HERC2: variants seen among roughly 807,000 people sequenced by gnomAD.
The protein encoded by HERC2 is E3 ubiquitin-protein ligase HERC2.
A neutral mutation model predicts 537.7 loss-of-function variants in HERC2; 102 were observed. The observed-to-expected ratio is 0.19, with a 90% CI of 0.16 to 0.22. HERC2 has a LOEUF of 0.22. HERC2 is among the 10% of genes least tolerant of loss of function. The probability of loss-of-function intolerance (pLI) is 1.00; values close to 1 mark genes in which losing one functional copy is unlikely to be tolerated. For missense variants in HERC2, 4,236 were observed against 6,198.2 expected (o/e 0.68, Z 10.63); for synonymous variants, 2,224 against 2,466.2 (o/e 0.90, Z 2.91).
chr15:28,318,332 A>G (rs2077144336), intron 2 of HERC2, among the ~76,000 whole-genome samples: 1 of 152,118 alleles, frequency 6.6e-6, no homozygotes, highest in Non-Finnish European at 1.5e-5. Flanking sequence ...ACCAAGCAGA[A>G]AAGTGTTGAA....
At chr15:28,116,888 CCCCTCACA>C (rs1566908683) in intron 87 of HERC2, 29 bp from the exon 88 acceptor site, 1 of 1,608,066 alleles carries the variant, frequency 6.2e-7, no homozygotes. Flanking sequence ...CACTCGAAGT[CCCCTCACA>C]CAGTCCTGTG....
intron 36 of HERC2, 103 bp downstream of exon 36, chr15:28,221,925 A>T: frequency 1.0e-6 from 1 of 965,458 alleles, no homozygotes; most frequent in Non-Finnish European, 1.7e-6. Context: ...CAATCAACTG[A>T]CACATCCTGG....
At chr15:28,167,598 A>G in intron 68 of HERC2, 89 bp downstream of exon 68, 1 of 1,486,682 alleles carries the variant, frequency 6.7e-7, no homozygotes, top group Non-Finnish European at 9.4e-7. Context: ...ATAGGAATAG[A>G]CTGTGTTCCA....
At chr15:28,309,897 A>G (rs1049524777) in intron 2 of HERC2, among the ~76,000 whole-genome samples, 7 of 152,160 alleles carry the variant, frequency 4.6e-5, no homozygotes, top group African/African-American at 1.7e-4. Context: ...CAGCACTCTT[A>G]TTTTTTCTGT....
In HERC2 at chr15:28,201,482, C is replaced by A. The variant is rs1897901437; in HGVS notation, c.7690G>T (p.Ala2564Ser). The A allele has an allele frequency of 1.2e-6, 2 of 1,609,778 alleles. No homozygotes were observed. Among genetic ancestry groups the A allele is most frequent in the Non-Finnish European group, 1.7e-6 (2 of 1,176,136 alleles). Reference sequence around the variant, plus strand: ...TGAATATTCTCTCTCACATATACAGCATAATCATCATTACTCAAGAAATCA... The same window carrying A: ...TGAATATTCTCTCTCACATATACAGAATAATCATCATTACTCAAGAAATCA... ...RADFLSNDDYAVYVRENIQVG... is the reference protein window; with the variant it reads ...RADFLSNDDYSVYVRENIQVG... The change falls in exon 48 of 93, where the codon GCT becomes TCT. Residue 2564 changes from alanine (A) to serine (S), a missense_variant. Physicochemically the swap from Ala to Ser is moderately conservative, Grantham distance 99 (BLOSUM62 1). This residue lies in a region of HERC2 where 606 missense variants were observed against 884.5 expected (regional missense o/e 0.69). Transcript: ENST00000261609.
At chr15:28,222,660 C>T (rs1369384303) in intron 35 of HERC2, among the ~76,000 whole-genome samples, 1 of 152,192 alleles carries the variant, frequency 6.6e-6, no homozygotes, top group African/African-American at 2.4e-5. Context: ...AGGGTTGCTG[C>T]AGGCTGGCCC....
intron 2 of HERC2, among the ~76,000 whole-genome samples, chr15:28,304,074 G>A (rs2076709093): frequency 6.6e-6 from 1 of 150,566 alleles, no homozygotes; most frequent in Non-Finnish European, 1.5e-5. Context: ...GCTAAGGCAG[G>A]AGGATCGCTT....
At chr15:28,131,983 G>A (rs1890155210) in intron 81 of HERC2, 117 bp downstream of exon 81, 3 of 836,030 alleles carry the variant, frequency 3.6e-6, no homozygotes, top group Non-Finnish European at 5.5e-6. Flanking sequence ...GTGCTCCTAA[G>A]GAGCACACAC....
chr15:28,236,842 C>T lies in HERC2; in HGVS notation c.4003+121G>A, dbSNP rs1902512910. On this transcript the variant is annotated intron_variant, in intron 26 of 92. Coordinates refer to ENST00000261609, the MANE Select transcript of HERC2 (RefSeq NM_004667.6). ...ACCTCAAGCAATCCACGTGCCACAA[C>T]CTCCCAAACTGCTGGGATTACAGGC... 10 of 682,376 alleles carry T rather than the reference C, an allele frequency of 1.5e-5. No homozygotes were observed. In the South Asian group the frequency reaches 1.8e-4, roughly 12 times the overall value. The allele number at this position is 682,376 out of a possible 1,614,324, so 42.3% of individuals were successfully genotyped here. A position where few individuals can be genotyped will look rare whatever the true frequency, so the allele number is the denominator to read the frequency against.
intron 71 of HERC2, among the ~76,000 whole-genome samples, chr15:28,145,457 C>T (rs1891639048): frequency 6.6e-6 from 1 of 152,220 alleles, no homozygotes; most frequent in African/African-American, 2.4e-5. Context: ...AAACTCACAT[C>T]CAACAACACT....
chr15:28,124,195 T>C lies in HERC2; in HGVS notation c.13030A>G (p.Ile4344Val), dbSNP rs749216967. 1 of 1,544,030 alleles carries C rather than the reference T, an allele frequency of 6.5e-7. No homozygotes were observed. Among genetic ancestry groups the C allele is most frequent in the Non-Finnish European group, 8.8e-7 (1 of 1,141,594 alleles). The change falls in exon 85 of 93, where the codon ATT (isoleucine) becomes GTT (valine). Residue 4344 changes from isoleucine (I) to valine (V), a missense_variant. Physicochemically the swap from Ile to Val is conservative, Grantham distance 29 (BLOSUM62 3). Coordinates refer to ENST00000261609, the MANE Select transcript of HERC2 (RefSeq NM_004667.6). ...AGCAGCAGACGGTTCCTCAGCGCAA[T>C]GATGGGGATCTCCTGCAGGTGATTG... Reference protein sequence around the residue: ...EYNHLQEIPIIALRNRLLLLH... With the variant: ...EYNHLQEIPIVALRNRLLLLH...
chr15:28,115,444 G>A lies in HERC2; in HGVS notation c.13707C>T (p.Ile4569=), dbSNP rs762092163. The change falls in exon 89 of 93, where the codon ATC becomes ATT. Residue 4569 remains isoleucine, a synonymous_variant. Transcript: ENST00000261609. ...WKQLAGMSLT[I]ADLSEVDKDF... is the part of the protein sequence containing the mutation. ...AGGGAGTTACCTCACTGAGGTCCGC[G>A]ATGGTGAGGCTCATCCCAGCCAGCT... The A allele has an allele frequency of 8.7e-6, 14 of 1,613,644 alleles. No individual in the cohort carries two copies. Among genetic ancestry groups the A allele is most frequent in the African/African-American group, 4.0e-5 (3 of 74,986 alleles).
intron 10 of HERC2, 121 bp downstream of exon 10, chr15:28,270,574 C>T: frequency 5.2e-6 from 5 of 968,104 alleles, no homozygotes; most frequent in Non-Finnish European, 7.8e-6. Context: ...CGTTTAAAAA[C>T]CACAGGCCAG....
chr15:28,237,989 T>C, intron 25 of HERC2, 125 bp downstream of exon 25: 9 of 787,576 alleles, frequency 1.1e-5, no homozygotes, highest in African/African-American at 3.4e-5. Flanking sequence ...AGGATCTTTA[T>C]ATTTATCCCT....
intron 20 of HERC2, among the ~76,000 whole-genome samples, chr15:28,250,441 C>T (rs969575882): frequency 1.8e-4 from 27 of 152,112 alleles, no homozygotes; most frequent in African/African-American, 6.5e-4. Flanking sequence ...GACGGTAATA[C>T]AATACAATGA....
chr15:28,200,952 T>C (rs1357390081), intron 48 of HERC2, among the ~76,000 whole-genome samples: 1 of 143,244 alleles, frequency 7.0e-6, no homozygotes, highest in African/African-American at 2.6e-5. Context: ...TAAAGTTTGA[T>C]GGCAATGAGA....
intron 4 of HERC2, among the ~76,000 whole-genome samples, chr15:28,292,207 CAACAAGAGCCA>C (rs2076334832): frequency 2.0e-5 from 2 of 101,400 alleles, no homozygotes; most frequent in Non-Finnish European, 3.6e-5. Flanking sequence ...CCAGCCTGGG[CAACAAGAGCCA>C]AACTCCATCT....
At chr15:28,278,751 T>C (rs1465374627) in intron 5 of HERC2, among the ~76,000 whole-genome samples, 2 of 152,184 alleles carry the variant, frequency 1.3e-5, no homozygotes, top group Admixed American at 6.5e-5. Context: ...GTACCTTCTA[T>C]GTGCTCTCTC....
chr15:28,121,525 A>C, intron 85 of HERC2, 96 bp from the exon 86 acceptor site: 1 of 1,021,184 alleles, frequency 9.8e-7, no homozygotes, highest in Non-Finnish European at 1.5e-6. Flanking sequence ...TCTGTGTTGA[A>C]GACCTTCTTA....
Sources: allele counts gnomAD v4.1 joint callset (sites outside exome capture counted in the v4.1 genomes callset), GRCh38; gene constraint gnomAD v4.1.1; regional missense constraint gnomAD v4.1.1; transcripts MANE v1.5; gene names NCBI Gene and HGNC (gene_info 2026-07-23, HGNC 2026-07-21).